Variants in CACNA2D3 observed in about 807,000 individuals in gnomAD.
CACNA2D3 encodes voltage-dependent calcium channel subunit alpha-2/delta-3.
CACNA2D3 carries 60 observed loss-of-function variants against 160.6 expected under a neutral mutation model. That is an observed-to-expected ratio of 0.37 (90% CI 0.30 to 0.46). The LOEUF is 0.46. Among genes scored for constraint, CACNA2D3 ranks in the 20% least tolerant of loss-of-function variants. The probability of loss-of-function intolerance (pLI) is 1.00; values close to 1 mark genes in which losing one functional copy is unlikely to be tolerated. For missense variants in CACNA2D3, 1,205 were observed against 1,365.0 expected (o/e 0.88, Z 1.85); for synonymous variants, 558 against 492.9 (o/e 1.13, Z -1.75).
At chr3:54,966,626 C>T (rs1488561303) in intron 27 of CACNA2D3, among the ~76,000 whole-genome samples, 2 of 152,142 alleles carry the variant, frequency 1.3e-5, no homozygotes, top group African/African-American at 4.8e-5. Context: ...AGAGATCAGC[C>T]TGGCTAACAT....
At chr3:54,424,174 C>T (rs1699879860) in intron 4 of CACNA2D3, among the ~76,000 whole-genome samples, 1 of 152,052 alleles carries the variant, frequency 6.6e-6, no homozygotes, top group Admixed American at 6.5e-5. Context: ...ACAAGGGGCC[C>T]TGTATTTTCA....
chr3:54,236,541 G>A (rs899916455), intron 2 of CACNA2D3, among the ~76,000 whole-genome samples: 1 of 152,122 alleles, frequency 6.6e-6, no homozygotes, highest in Admixed American at 6.5e-5. Flanking sequence ...AGGATGTCAA[G>A]TCAACATGCC....
At chr3:54,866,932 A>G (rs894463524) in intron 17 of CACNA2D3, among the ~76,000 whole-genome samples, 2 of 152,232 alleles carry the variant, frequency 1.3e-5, no homozygotes, top group Middle Eastern at 3.2e-3. Context: ...TTCATAGCAC[A>G]GAATATCTTT....
In CACNA2D3 at chr3:54,244,148, T is replaced by A. The variant is rs543793121; in HGVS notation, c.205-76294T>A. Among the ~76,000 whole-genome samples, 9 of 152,148 alleles carry A rather than the reference T, an allele frequency of 5.9e-5. No individual in the cohort carries two copies. The South Asian group carries it at 1.7e-3, about 28-fold the overall frequency. On this transcript the variant is annotated intron_variant, in intron 2 of 37. Transcript: ENST00000474759. ...TCCAAGTACCACAGCACTGCGACCG[T>A]GGAGTGAGCGCCCAGCCTTGACAGT...
chr3:54,379,694 A>G (rs1334700962), intron 3 of CACNA2D3, among the ~76,000 whole-genome samples: 1 of 152,100 alleles, frequency 6.6e-6, no homozygotes, highest in Non-Finnish European at 1.5e-5. Flanking sequence ...TTACCTCCAA[A>G]ACTTTGTGTG....
At chr3:54,747,187 G>A (rs911617745) in intron 11 of CACNA2D3, among the ~76,000 whole-genome samples, 1 of 152,014 alleles carries the variant, frequency 6.6e-6, no homozygotes, top group African/African-American at 2.4e-5. Flanking sequence ...CAGACCCCAC[G>A]GACATTTTTT....
At chr3:54,860,242 A>G (rs1009894275) in intron 17 of CACNA2D3, among the ~76,000 whole-genome samples, 1 of 152,228 alleles carries the variant, frequency 6.6e-6, no homozygotes, top group Non-Finnish European at 1.5e-5. Flanking sequence ...GCTGACAGAC[A>G]TCACAGAGTA....
Position 54,402,126 on chromosome 3 carries a change from A to G in CACNA2D3, c.381+15352A>G, listed in dbSNP as rs375173046. Among the ~76,000 whole-genome samples the G allele has an allele frequency of 1.1e-4, 16 of 152,308 alleles. No homozygotes were observed. In the South Asian group the frequency reaches 3.3e-3, roughly 32 times the overall value. ...GGCACTACAAAGCAAAACCTATAGC[A>G]TATATACCAATGATAAAGAGAAAAG... is the stretch of plus-strand genomic sequence containing the variant. On this transcript the variant is annotated intron_variant, in intron 4 of 37. Transcript: ENST00000474759.
chr3:54,266,407 T>C (rs1702518984), intron 2 of CACNA2D3, among the ~76,000 whole-genome samples: 1 of 152,252 alleles, frequency 6.6e-6, no homozygotes, highest in Non-Finnish European at 1.5e-5. Flanking sequence ...TCTGATTTTC[T>C]GAATTCATGT....
At chr3:54,896,388 A>G (rs188069657) in intron 25 of CACNA2D3, among the ~76,000 whole-genome samples, 1 of 152,338 alleles carries the variant, frequency 6.6e-6, no homozygotes, top group Admixed American at 6.5e-5. Flanking sequence ...GTATGAGTAT[A>G]TGTGTGTGAG....
intron 4 of CACNA2D3, among the ~76,000 whole-genome samples, chr3:54,462,428 C>T (rs1430728841): frequency 6.6e-6 from 1 of 152,196 alleles, no homozygotes; most frequent in African/African-American, 2.4e-5. Context: ...TTGTATGTCA[C>T]TCAGGACTTG....
intron 29 of CACNA2D3, among the ~76,000 whole-genome samples, chr3:54,974,067 AG>A (rs1702332180): frequency 6.6e-6 from 1 of 152,180 alleles, no homozygotes; most frequent in South Asian, 2.1e-4. Flanking sequence ...ATCAAACAAA[AG>A]GCATCCTTCC....
chr3:54,623,192 GT>G (rs1699028175), intron 9 of CACNA2D3, among the ~76,000 whole-genome samples: 1 of 49,886 alleles, frequency 2.0e-5, no homozygotes, highest in Non-Finnish European at 6.5e-5. Flanking sequence ...CTCAAGCCTT[GT>G]TGTCCCCATC....
At chr3:54,750,976 T>G (rs1223070991) in intron 11 of CACNA2D3, among the ~76,000 whole-genome samples, 1 of 152,116 alleles carries the variant, frequency 6.6e-6, no homozygotes, top group Non-Finnish European at 1.5e-5. Flanking sequence ...TTCACCATGT[T>G]GGCCAGGATG....
chr3:54,478,850 T>G (rs1391879368), intron 4 of CACNA2D3, among the ~76,000 whole-genome samples: 1 of 150,708 alleles, frequency 6.6e-6, no homozygotes, highest in African/African-American at 2.4e-5. Flanking sequence ...TTATTTTACT[T>G]AATAATGCTT....
At chr3:55,033,745 ATATT>A (rs1298003213) in intron 35 of CACNA2D3, among the ~76,000 whole-genome samples, 3 of 94,782 alleles carry the variant, frequency 3.2e-5, no homozygotes, top group African/African-American at 1.1e-4. Flanking sequence ...TATATAATAT[ATATT>A]ATATTAAATA....
chr3:54,595,326 GT>G lies in CACNA2D3; in HGVS notation c.963+13450del, dbSNP rs1702934412. On this transcript the variant is annotated intron_variant, in intron 9 of 37. Transcript: ENST00000474759. ...CTCTGTGTGTGTGGTGTGTGTGTGT[GT>G]GTGTGTGTGTGTGTGTGTGTGTGTG... Among the ~76,000 whole-genome samples the G allele has an allele frequency of 3.6e-3, 544 of 151,156 alleles. 3 individuals carry two copies. Among genetic ancestry groups the G allele is most frequent in the African/African-American group, 8.1e-3 (333 of 41,294 alleles).
chr3:54,170,228 C>T (rs1700538379), intron 2 of CACNA2D3, among the ~76,000 whole-genome samples: 2 of 151,346 alleles, frequency 1.3e-5, no homozygotes, highest in African/African-American at 4.9e-5. Context: ...TAAGGATGGC[C>T]TGGGAGTAGG....
At chr3:54,951,117 C>G (rs1215332101) in intron 27 of CACNA2D3, among the ~76,000 whole-genome samples, 1 of 152,044 alleles carries the variant, frequency 6.6e-6, no homozygotes, top group Non-Finnish European at 1.5e-5. Flanking sequence ...ATATCAAGAA[C>G]TAGTTGAGAG....
Sources: allele counts gnomAD v4.1 joint callset (sites outside exome capture counted in the v4.1 genomes callset), GRCh38; gene constraint gnomAD v4.1.1; transcripts MANE v1.5; gene names NCBI Gene and HGNC (gene_info 2026-07-23, HGNC 2026-07-21).